Variants in NRG1 observed in about 807,000 individuals in gnomAD.
The protein encoded by NRG1 is pro-neuregulin-1, membrane-bound isoform.
Under a neutral mutation model 63.8 loss-of-function variants are expected in NRG1, and 18 were observed. The ratio of observed to expected loss-of-function variants is 0.28; its 90% CI spans 0.19 to 0.42. The LOEUF (loss-of-function observed/expected upper bound fraction) is 0.42. NRG1 is among the 10% of genes least tolerant of loss of function. The pLI is 1.00. For missense variants in NRG1, 762 were observed against 814.7 expected, an observed-to-expected ratio of 0.94 and a Z score of 0.79; for synonymous variants, 302 against 301.3, an observed-to-expected ratio of 1.00 and a Z score of -0.02.
chr8:32,749,759 A>G, intron 7 of NRG1: 1 of 661,780 alleles, frequency 1.5e-6, no homozygotes, highest in South Asian at 2.0e-5. Flanking sequence ...AGTTTACTGA[A>G]ATGTTACTGA....
intron 1 of NRG1, among the ~76,000 whole-genome samples, chr8:31,838,471 C>A (rs946115575): frequency 6.6e-6 from 1 of 152,086 alleles, no homozygotes; most frequent in Admixed American, 6.6e-5. Context: ...TTGTCTATTT[C>A]AAAAACAATT....
At chr8:32,232,943 C>G (rs970776298) in intron 1 of NRG1, among the ~76,000 whole-genome samples, 3 of 152,140 alleles carry the variant, frequency 2.0e-5, no homozygotes, top group Admixed American at 2.0e-4. Context: ...GACTAGGTCA[C>G]CAACAGCTAA....
At chr8:32,578,762 G>A (rs2466069) in intron 1 of NRG1, among the ~76,000 whole-genome samples, 104,726 of 152,002 alleles carry the variant, frequency 0.69, 36,601 homozygotes, top group East Asian at 0.83. Context: ...CTGATCTATA[G>A]TTTTCCCTTG....
At chr8:31,878,537 G>A (rs1321527034) in intron 1 of NRG1, among the ~76,000 whole-genome samples, 1 of 152,134 alleles carries the variant, frequency 6.6e-6, no homozygotes, top group Non-Finnish European at 1.5e-5. Flanking sequence ...TTTATCGATT[G>A]TTATATAGTA....
At chr8:32,206,732 A>G (rs1043227465) in intron 1 of NRG1, among the ~76,000 whole-genome samples, 2 of 152,192 alleles carry the variant, frequency 1.3e-5, no homozygotes, top group Non-Finnish European at 2.9e-5. Context: ...TTGTGTAGCC[A>G]TCACCTGAAT....
intron 1 of NRG1, among the ~76,000 whole-genome samples, chr8:32,215,812 C>CAAGA (rs1334028312): frequency 2.6e-5 from 4 of 152,026 alleles, no homozygotes; most frequent in Admixed American, 2.6e-4. Context: ...GAGACCAAGG[C>CAAGA]AAGAGGATAA....
At chr8:32,128,116 T>G (rs892478558) in intron 1 of NRG1, among the ~76,000 whole-genome samples, 3 of 151,922 alleles carry the variant, frequency 2.0e-5, no homozygotes, top group Non-Finnish European at 2.9e-5. Flanking sequence ...CTGCAACATT[T>G]TTGGCTGAAG....
At chr8:31,877,106 C>T (rs1054273427) in intron 1 of NRG1, among the ~76,000 whole-genome samples, 4 of 152,048 alleles carry the variant, frequency 2.6e-5, no homozygotes, top group Non-Finnish European at 4.4e-5. Flanking sequence ...TCCAGTGTAG[C>T]TTTAAAAAGT....
intron 1 of NRG1, among the ~76,000 whole-genome samples, chr8:31,695,781 G>A (rs1326971739): frequency 6.6e-6 from 1 of 152,136 alleles, no homozygotes; most frequent in South Asian, 2.1e-4. Flanking sequence ...TGATTTTATA[G>A]TTTGAGCTCT....
chr8:32,361,303 C>A (rs1266419613), intron 1 of NRG1, among the ~76,000 whole-genome samples: 3 of 151,968 alleles, frequency 2.0e-5, no homozygotes, highest in Admixed American at 2.0e-4. Flanking sequence ...AGCAGAGGGG[C>A]CAAGTGTAGG....
At chr8:31,994,562 G>A (rs1208012965) in intron 1 of NRG1, among the ~76,000 whole-genome samples, 1 of 141,332 alleles carries the variant, frequency 7.1e-6, no homozygotes, top group Non-Finnish European at 1.5e-5. Flanking sequence ...GCTGAGGCAG[G>A]AGGATCTCTT....
intron 1 of NRG1, among the ~76,000 whole-genome samples, chr8:32,215,633 A>G (rs544531523): frequency 2.4e-4 from 36 of 152,314 alleles, no homozygotes; most frequent in African/African-American, 8.2e-4. Context: ...TTGCCTCTAT[A>G]CTTAATCAAT....
intron 7 of NRG1, among the ~76,000 whole-genome samples, chr8:32,752,207 G>C (rs1159212535): frequency 6.6e-6 from 1 of 152,108 alleles, no homozygotes; most frequent in Non-Finnish European, 1.5e-5. Context: ...AAGGACCAGT[G>C]GGGTGACAGC....
chr8:31,902,688 G>A (rs1182288481), intron 1 of NRG1, among the ~76,000 whole-genome samples: 1 of 151,908 alleles, frequency 6.6e-6, no homozygotes, highest in African/African-American at 2.4e-5. Context: ...TTATTTGTGT[G>A]CAATATCCAG....
chr8:32,749,799 C>T (rs1828312304), intron 7 of NRG1: 1 of 589,474 alleles, frequency 1.7e-6, no homozygotes. Flanking sequence ...CCTAAGCATC[C>T]TTCACTTAGA....
intron 1 of NRG1, among the ~76,000 whole-genome samples, chr8:31,856,063 A>G (rs1318587723): frequency 6.6e-6 from 1 of 151,106 alleles, no homozygotes; most frequent in Non-Finnish European, 1.5e-5. Context: ...CTTCATTTCA[A>G]CTTTGGTGAA....
At chr8:31,860,507 C>A (rs1200445040) in intron 1 of NRG1, among the ~76,000 whole-genome samples, 3 of 152,102 alleles carry the variant, frequency 2.0e-5, no homozygotes, top group Non-Finnish European at 4.4e-5. Context: ...TTTAACCAGG[C>A]AACATTTGCC....
chr8:32,637,580 G>GT (rs1318574513), intron 5 of NRG1, among the ~76,000 whole-genome samples: 1 of 152,144 alleles, frequency 6.6e-6, no homozygotes, highest in African/African-American at 2.4e-5. Flanking sequence ...TACAGTTTGT[G>GT]TTTGAGCTAC....
At chr8:32,084,801 G>A (rs1827979584) in intron 1 of NRG1, among the ~76,000 whole-genome samples, 1 of 152,134 alleles carries the variant, frequency 6.6e-6, no homozygotes, top group Non-Finnish European at 1.5e-5. Context: ...TTCAAGGAGA[G>A]ATCAGAAATG....
Sources: gnomAD v4.1 joint callset for allele counts (sites outside exome capture counted in the v4.1 genomes callset) on GRCh38, gnomAD v4.1.1 for gene constraint, MANE v1.5 for transcripts, NCBI Gene and HGNC (gene_info 2026-07-23, HGNC 2026-07-21) for gene names.